VPS54: variants seen among roughly 807,000 people sequenced by gnomAD.
VPS54 encodes VPS54 subunit of GARP complex, also known as vacuolar protein sorting-associated protein 54.
In VPS54, 45 loss-of-function variants were observed where a neutral mutation model predicts 121.5. The ratio of observed to expected loss-of-function variants is 0.37; its 90% CI spans 0.29 to 0.47. The LOEUF is 0.47. VPS54 is among the 20% of genes least tolerant of loss of function. The pLI, the probability that VPS54 is intolerant of heterozygous loss-of-function variation, is 0.99. For synonymous variants in VPS54, 371 were observed against 385.8 expected (o/e 0.96, Z 0.45); for missense variants, 1,090 against 1,131.4 (o/e 0.96, Z 0.52).
intron 2 of VPS54, 113 bp downstream of exon 2, chr2:63,983,751 G>A: frequency 1.5e-6 from 2 of 1,370,542 alleles, no homozygotes; most frequent in Non-Finnish European, 1.9e-6. Flanking sequence ...CCCCCCAAAT[G>A]ATTTTTAACA....
intron 11 of VPS54, among the ~76,000 whole-genome samples, chr2:63,934,448 A>T (rs142054528): frequency 6.6e-6 from 1 of 151,642 alleles, no homozygotes; most frequent in East Asian, 1.9e-4. Context: ...CTTATTCACT[A>T]CTCTCCAGAC....
At chr2:63,988,755 C>T (rs559165897) in intron 1 of VPS54, among the ~76,000 whole-genome samples, 22 of 152,174 alleles carry the variant, frequency 1.4e-4, no homozygotes, top group African/African-American at 5.3e-4. Flanking sequence ...ACTGCACAGA[C>T]TGTTCGTAAA....
At chr2:63,940,784 T>C (rs749052948) in intron 11 of VPS54, among the ~76,000 whole-genome samples, 2 of 152,222 alleles carry the variant, frequency 1.3e-5, no homozygotes, top group African/African-American at 2.4e-5. Flanking sequence ...AAGAGTTCTA[T>C]ATAACTAGAC....
At chr2:63,982,826 G>A (rs1410990523) in intron 2 of VPS54, among the ~76,000 whole-genome samples, 2 of 152,192 alleles carry the variant, frequency 1.3e-5, no homozygotes. Flanking sequence ...TATAGTATGA[G>A]AGCTGAAACA....
intron 8 of VPS54, among the ~76,000 whole-genome samples, chr2:63,947,920 T>G (rs1444412997): frequency 6.6e-6 from 1 of 152,084 alleles, no homozygotes; most frequent in Admixed American, 6.6e-5. Flanking sequence ...CACTGCAGCC[T>G]TGATCTCCCA....
chr2:63,968,280 AT>A (rs1676105529), intron 5 of VPS54, among the ~76,000 whole-genome samples: 1 of 152,114 alleles, frequency 6.6e-6, no homozygotes, highest in Non-Finnish European at 1.5e-5. Context: ...GATCAGCAAA[AT>A]TTTTTTAATG....
rs1193304708 is a variant in VPS54, at chr2:63,969,595, G to C, written c.458-604C>G. 5.9e-5 allele frequency among the ~76,000 whole-genome samples: 9 copies of C among 152,144 alleles called. No homozygotes were observed. In the East Asian group the frequency reaches 1.7e-3, roughly 29 times the overall value. On this transcript the variant is annotated intron_variant, in intron 4 of 22. Transcript: ENST00000272322. ...GGAAAATAAGCTCAGGGCTCCCACT[G>C]ACTCTCCATTATGATGAATTGTATA...
At chr2:64,003,564 A>G (rs114926935) in intron 1 of VPS54, among the ~76,000 whole-genome samples, 1,871 of 152,264 alleles carry the variant, frequency 0.012, 17 homozygotes, top group Non-Finnish European at 0.015. Context: ...CCTGTCATAC[A>G]TATAATAAAA....
chr2:63,926,872 C>T (rs1673930413), intron 12 of VPS54, among the ~76,000 whole-genome samples: 1 of 152,134 alleles, frequency 6.6e-6, no homozygotes, highest in Non-Finnish European at 1.5e-5. Context: ...ACCCACGGAG[C>T]CTTGCTCACT....
At chr2:64,006,899 G>A (rs1055936773) in intron 1 of VPS54, among the ~76,000 whole-genome samples, 5 of 152,324 alleles carry the variant, frequency 3.3e-5, no homozygotes, top group South Asian at 2.1e-4. Context: ...GATTACAGGC[G>A]TGAGCCACCA....
chr2:64,007,763 T>C (rs1329270695), intron 1 of VPS54, among the ~76,000 whole-genome samples: 1 of 152,110 alleles, frequency 6.6e-6, no homozygotes. Context: ...CAAATATGTT[T>C]AGAGGAAAAG....
chr2:63,912,092 C>T lies in VPS54; in HGVS notation c.2625+253G>A, dbSNP rs796208801. On this transcript the variant is annotated intron_variant, in intron 20 of 22. Coordinates refer to ENST00000272322, the MANE Select transcript of VPS54 (RefSeq NM_016516.3). ...TAGAATATCAACTGTTTTGGAAATC[C>T]GAAAATTTTGTTGAGTTGTTTTCTA... Among the ~76,000 whole-genome samples, 10 of 152,136 alleles carry T rather than the reference C, an allele frequency of 6.6e-5. 1 individual carries two copies. The highest frequency in any genetic ancestry group is 1.4e-4 in the African/African-American group (6 of 41,528).
intron 20 of VPS54, among the ~76,000 whole-genome samples, chr2:63,906,573 G>A (rs1184901947): frequency 3.3e-5 from 5 of 152,172 alleles, no homozygotes; most frequent in Non-Finnish European, 7.4e-5. Context: ...GCTCACTGGG[G>A]GAAAAGCACT....
At chr2:63,912,062 C>G (rs1306657616) in intron 20 of VPS54, among the ~76,000 whole-genome samples, 1 of 152,146 alleles carries the variant, frequency 6.6e-6, no homozygotes, top group Admixed American at 6.5e-5. Flanking sequence ...CTCCTGCCAG[C>G]CCCTTAGAAT....
intron 7 of VPS54, among the ~76,000 whole-genome samples, chr2:63,960,579 C>G (rs1000629218): frequency 1.3e-5 from 2 of 152,160 alleles, no homozygotes; most frequent in Non-Finnish European, 2.9e-5. Flanking sequence ...ATCTTTGATT[C>G]TATTTCTCAG....
rs753810782 is a variant in VPS54 at position 63,947,504 on chromosome 2, A to C, written c.1138-14T>G. 2 of 1,465,200 alleles carry C rather than the reference A, an allele frequency of 1.4e-6. No individual in the cohort carries two copies. The highest frequency in any genetic ancestry group is 1.8e-6 in the Non-Finnish European group (2 of 1,081,130). 90.8% of individuals were successfully genotyped at this position (1,465,200 alleles called of 1,614,324 possible). On this transcript the variant is annotated splice_polypyrimidine_tract_variant and intron_variant, in intron 8 of 22. Transcript: ENST00000272322. ...TATTAGTCTTTCCTGTTAAAATAAA[A>C]GTATGTAACTTGACATTTTAAATAT...
chr2:63,893,418 T>C lies in VPS54; in HGVS notation c.*12A>G, dbSNP rs1166086909. ...CATGGTCAGATGAACTACCCAGTTT[T>C]CCAGGATGACATCACCTCTTCTGCT... On this transcript the variant is annotated 3_prime_UTR_variant, in exon 23 of 23. Transcript: ENST00000272322. The C allele has an allele frequency of 6.2e-7, 1 of 1,609,720 alleles. No homozygotes were observed. The highest frequency in any genetic ancestry group is 1.7e-5 in the Admixed American group (1 of 60,020).
chr2:63,939,854 G>A (rs759037408), intron 11 of VPS54, among the ~76,000 whole-genome samples: 21 of 151,684 alleles, frequency 1.4e-4, no homozygotes, highest in South Asian at 4.2e-4. Flanking sequence ...TCCACCTCCC[G>A]GGTTCAAGTG....
chr2:63,925,548 G>A (rs1466423442), intron 12 of VPS54, among the ~76,000 whole-genome samples: 1 of 152,138 alleles, frequency 6.6e-6, no homozygotes, highest in East Asian at 1.9e-4. Flanking sequence ...TGCAACAAAG[G>A]TATCTAGAAG....
Sources: gnomAD v4.1 joint callset for allele counts (sites outside exome capture counted in the v4.1 genomes callset) on GRCh38, gnomAD v4.1.1 for gene constraint, MANE v1.5 for transcripts, NCBI Gene and HGNC (gene_info 2026-07-23, HGNC 2026-07-21) for gene names.